The following PTPRG variants were observed in gnomAD, a reference collection of about 807,000 sequenced individuals.
PTPRG encodes protein tyrosine phosphatase receptor type G.
In PTPRG, 102 loss-of-function variants were observed where a neutral mutation model predicts 165.3. The observed-to-expected ratio is 0.62, with a 90% CI of 0.53 to 0.73. The LOEUF (loss-of-function observed/expected upper bound fraction) is 0.73. PTPRG is among the 30% of genes least tolerant of loss of function. The probability of loss-of-function intolerance (pLI) is 0.00; values close to 1 mark genes in which losing one functional copy is unlikely to be tolerated. For synonymous variants in PTPRG, 675 were observed against 669.5 expected, an observed-to-expected ratio of 1.01 and a Z score of -0.13; for missense variants, 1,866 against 1,861.4, an observed-to-expected ratio of 1.00 and a Z score of -0.05.
intron 2 of PTPRG, among the ~76,000 whole-genome samples, chr3:61,926,932 T>C (rs763199163): frequency 1.3e-5 from 2 of 151,912 alleles, no homozygotes; most frequent in Non-Finnish European, 2.9e-5. Flanking sequence ...AAAAAAAAAA[T>C]CTGTACATGT....
At chr3:62,261,432 C>T (rs1701694107) in intron 16 of PTPRG, among the ~76,000 whole-genome samples, 1 of 152,136 alleles carries the variant, frequency 6.6e-6, no homozygotes, top group African/African-American at 2.4e-5. Context: ...AGAGAAGAGC[C>T]AAAGGGCAGC....
At position 61,859,067 on chromosome 3, in the gene PTPRG, T is replaced by A. The variant is rs185777338; in HGVS notation, c.190+110085T>A. On this transcript the variant is annotated intron_variant, in intron 2 of 29. Transcript: ENST00000474889. ...GTTGTGTCTCTGACTTGTTTAGGAGTTGATTTTTTTAAGACTTTAAGCAAA... is the reference window on the plus strand; with the variant it reads ...GTTGTGTCTCTGACTTGTTTAGGAGATGATTTTTTTAAGACTTTAAGCAAA... Among the ~76,000 whole-genome samples the A allele has an allele frequency of 1.2e-3, 183 of 152,236 alleles. 1 individual carries two copies. The highest frequency in any genetic ancestry group is 2.3e-3 in the South Asian group (11 of 4,820).
At chr3:61,684,817 G>C (rs890694146) in intron 1 of PTPRG, among the ~76,000 whole-genome samples, 1 of 152,190 alleles carries the variant, frequency 6.6e-6, no homozygotes, top group African/African-American at 2.4e-5. Context: ...ACTGGGAAAG[G>C]CTTCCTGGAG....
chr3:62,091,406 A>G (rs576759363), intron 5 of PTPRG, among the ~76,000 whole-genome samples: 36 of 152,362 alleles, frequency 2.4e-4, no homozygotes, highest in African/African-American at 8.4e-4. Flanking sequence ...ACCTTGGATG[A>G]TAAAAGAAAT....
rs182907681 is a variant in PTPRG at position 61,964,310 on chromosome 3, A to T, written c.191-25315A>T. ...CTTGGAGAGGATAAAATTAATCAGT[A>T]ATCTTCACTGAAGTATAAAGTGTGA... On this transcript the variant is annotated intron_variant, in intron 2 of 29. Transcript: ENST00000474889. 3.8e-3 allele frequency among the ~76,000 whole-genome samples: 576 copies of T among 152,344 alleles called. 3 individuals are homozygous for T. Among genetic ancestry groups the T allele is most frequent in the Non-Finnish European group, 5.9e-3 (404 of 68,032 alleles).
At chr3:62,207,118 C>G (rs531085084) in intron 12 of PTPRG, among the ~76,000 whole-genome samples, 1 of 152,232 alleles carries the variant, frequency 6.6e-6, no homozygotes, top group East Asian at 1.9e-4. Flanking sequence ...ACTTTTTCAG[C>G]TAAGGGCCAG....
chr3:61,858,892 C>T (rs2037185739), intron 2 of PTPRG, among the ~76,000 whole-genome samples: 1 of 152,192 alleles, frequency 6.6e-6, no homozygotes, highest in Non-Finnish European at 1.5e-5. Flanking sequence ...TTTTAATAAA[C>T]TCTCTGCCCA....
chr3:61,911,734 C>G (rs866750596), intron 2 of PTPRG, among the ~76,000 whole-genome samples: 1 of 151,796 alleles, frequency 6.6e-6, no homozygotes, highest in Non-Finnish European at 1.5e-5. Context: ...CTTTTTTCCC[C>G]AAGTTACTTC....
intron 3 of PTPRG, among the ~76,000 whole-genome samples, chr3:61,999,467 G>C (rs1363237783): frequency 2.0e-5 from 3 of 152,154 alleles, no homozygotes; most frequent in African/African-American, 7.2e-5. Context: ...GTTTCAATTT[G>C]TGAGTTTCCA....
intron 2 of PTPRG, among the ~76,000 whole-genome samples, chr3:61,775,793 C>T (rs643635): frequency 0.86 from 130,054 of 151,896 alleles, 55,892 homozygotes; most frequent in East Asian, 0.94. Flanking sequence ...TGGATGAAGC[C>T]GGAAACCATC....
At chr3:61,565,657 C>A (rs937056010) in intron 1 of PTPRG, among the ~76,000 whole-genome samples, 1 of 150,176 alleles carries the variant, frequency 6.7e-6, no homozygotes, top group African/African-American at 2.5e-5. Context: ...GAGTGAAACT[C>A]TGGTTTTGAT....
intron 2 of PTPRG, among the ~76,000 whole-genome samples, chr3:61,942,112 C>T (rs544448050): frequency 7.1e-4 from 107 of 149,690 alleles, no homozygotes; most frequent in African/African-American, 2.3e-3. Context: ...GAGCGGAGAT[C>T]GCGCTACTAC....
chr3:62,273,846 T>C lies in PTPRG; in HGVS notation c.3465+2T>C. 1.2e-6 allele frequency: 2 copies of C among 1,612,300 alleles called. No individual in the cohort carries two copies. Among genetic ancestry groups the C allele is most frequent in the Non-Finnish European group, 1.7e-6 (2 of 1,178,864 alleles). On this transcript the variant is annotated splice_donor_variant, in intron 23 of 29. Coordinates refer to ENST00000474889, the MANE Select transcript of PTPRG (RefSeq NM_002841.4). LOFTEE classifies it high-confidence loss of function. The surrounding 1 kb of genome is among the most constrained non-coding windows in gnomAD (Gnocchi z 4.1). ...ACACGACTGGAAAAGCAATTCAAGG[T>C]AGTGCTTTGAAAAAGTTTCTTTGGC...
chr3:61,742,791 C>A lies in PTPRG; in HGVS notation c.86-6087C>A, dbSNP rs949327175. 16 of 1,610,436 alleles carry A rather than the reference C, an allele frequency of 9.9e-6. No homozygotes were observed. In the African/African-American group the frequency reaches 2.1e-4, roughly 22 times the overall value. Reference sequence around the variant, plus strand: ...ACTCTGAGGCCAAAAACGCATCATACTTCTTGGCCAGCTTCTTGACCAGTT... The same window carrying A: ...ACTCTGAGGCCAAAAACGCATCATAATTCTTGGCCAGCTTCTTGACCAGTT... On this transcript the variant is annotated intron_variant, in intron 1 of 29. Transcript: ENST00000474889.
chr3:62,263,028 C>CCAT, intron 17 of PTPRG, 134 bp downstream of exon 17: 1 of 660,524 alleles, frequency 1.5e-6, no homozygotes, highest in Admixed American at 2.6e-5. Context: ...TCTCATTAGC[C>CCAT]CATCTTCAAC....
intron 2 of PTPRG, among the ~76,000 whole-genome samples, chr3:61,781,196 TC>T (rs2034534480): frequency 6.6e-6 from 1 of 152,206 alleles, no homozygotes; most frequent in African/African-American, 2.4e-5. Flanking sequence ...TTGATTCCCA[TC>T]TTTCCACCTG....
At chr3:62,280,595 T>A (rs772194778) in intron 26 of PTPRG, among the ~76,000 whole-genome samples, 19 of 151,928 alleles carry the variant, frequency 1.3e-4, no homozygotes, top group Admixed American at 1.1e-3. Flanking sequence ...AAGAAAACTC[T>A]CACACACTGT....
chr3:61,859,708 G>A (rs1220272633), intron 2 of PTPRG, among the ~76,000 whole-genome samples: 1 of 151,752 alleles, frequency 6.6e-6, no homozygotes, highest in Non-Finnish European at 1.5e-5. Flanking sequence ...TTGAACTGCT[G>A]GAGAACTTAT....
intron 13 of PTPRG, among the ~76,000 whole-genome samples, chr3:62,220,571 G>A (rs922796595): frequency 5.9e-5 from 9 of 152,122 alleles, no homozygotes; most frequent in South Asian, 2.1e-4. Flanking sequence ...AGGTTTCCTC[G>A]GGCGTCTGAC....
Sources: allele counts gnomAD v4.1 joint callset (sites outside exome capture counted in the v4.1 genomes callset), GRCh38; gene constraint gnomAD v4.1.1; non-coding constraint Gnocchi (gnomAD v3.1); transcripts MANE v1.5; gene names NCBI Gene and HGNC (gene_info 2026-07-23, HGNC 2026-07-21).